The following WDHD1 variants were observed in gnomAD, a reference collection of about 807,000 sequenced individuals.
WDHD1 encodes the protein WD repeat and HMG-box DNA binding protein 1.
A neutral mutation model predicts 135.4 loss-of-function variants in WDHD1; 111 were observed. That is an observed-to-expected ratio of 0.82 (90% CI 0.70 to 0.96). The LOEUF (loss-of-function observed/expected upper bound fraction) is 0.96. Ranked by LOEUF, WDHD1 falls within the 40% of genes least tolerant of loss-of-function variation. WDHD1 has a pLI of 0.00. For missense variants in WDHD1, 1,351 were observed against 1,336.3 expected (o/e 1.01, Z -0.17); for synonymous variants, 434 against 439.0 (o/e 0.99, Z 0.14).
chr14:55,019,216 A>T (rs2042305849), intron 2 of WDHD1, among the ~76,000 whole-genome samples: 1 of 152,226 alleles, frequency 6.6e-6, no homozygotes, highest in Non-Finnish European at 1.5e-5. Context: ...TAAAGCACAT[A>T]AATATGTACC....
At chr14:54,967,128 C>T (rs1266021082) in intron 17 of WDHD1, 152 bp downstream of exon 17, 1 of 570,380 alleles carries the variant, frequency 1.8e-6, no homozygotes, top group Non-Finnish European at 2.9e-6. Flanking sequence ...GCCTGGTGAT[C>T]CCAAGCAGTC....
intron 24 of WDHD1, among the ~76,000 whole-genome samples, chr14:54,946,283 CTTAA>C: frequency 6.6e-6 from 1 of 152,208 alleles, no homozygotes; most frequent in East Asian, 1.9e-4. Context: ...AACTTCTGGG[CTTAA>C]GCAACCCTTC....
chr14:55,008,358 A>G lies in WDHD1; in HGVS notation c.462T>C (p.Ala154=), dbSNP rs777601480. The part of the protein sequence containing the change: ...FDPKDIFLAS[A]SCDGSVRVWQ... Reference sequence around the variant, plus strand: ...ACACTCTGACAGATCCATCACAACTAGCTGATGCCTGCAGGAATAAACAAT... The same window carrying G: ...ACACTCTGACAGATCCATCACAACTGGCTGATGCCTGCAGGAATAAACAAT... The change falls in exon 6 of 26, where the codon GCT becomes GCC. Residue 154 remains alanine, a synonymous_variant. Transcript: ENST00000360586. The G allele has an allele frequency of 1.9e-5, 31 of 1,613,588 alleles. No homozygotes were observed. The highest frequency in any genetic ancestry group is 2.5e-5 in the Non-Finnish European group (30 of 1,179,810).
At chr14:54,999,576 T>C (rs996853566) in intron 10 of WDHD1, among the ~76,000 whole-genome samples, 7 of 152,180 alleles carry the variant, frequency 4.6e-5, no homozygotes, top group African/African-American at 1.7e-4. Flanking sequence ...TTTCTCATCA[T>C]CCTTCTATTT....
At chr14:55,005,771 TGGGCTTTAGAATCA>T (rs2042057524) in intron 7 of WDHD1, 8 of 347,828 alleles carry the variant, frequency 2.3e-5, no homozygotes, top group African/African-American at 1.7e-4. Context: ...AAAGCCCTCA[TGGGCTTTAGAATCA>T]GCTCAATTTG....
chr14:55,001,268 T>C (rs1405053181), intron 8 of WDHD1, among the ~76,000 whole-genome samples: 1 of 152,196 alleles, frequency 6.6e-6, no homozygotes, highest in Non-Finnish European at 1.5e-5. Context: ...CACCATTTTA[T>C]TTTATTTTTA....
At chr14:54,977,469 G>A (rs1329278129) in intron 16 of WDHD1, among the ~76,000 whole-genome samples, 1 of 152,192 alleles carries the variant, frequency 6.6e-6, no homozygotes, top group South Asian at 2.1e-4. Flanking sequence ...GGGAGGCCAA[G>A]GTGGGAGGAT....
chr14:54,964,012 ACAGGAGGTTCACTAGAGCC>A, intron 18 of WDHD1, among the ~76,000 whole-genome samples: 1 of 152,046 alleles, frequency 6.6e-6, no homozygotes, highest in Non-Finnish European at 1.5e-5. Context: ...GGAGCCTGAG[ACAGGAGGTTCACTAGAGCC>A]CAGGAGGTTG....
chr14:54,948,899 G>A (rs770000548), intron 24 of WDHD1, among the ~76,000 whole-genome samples: 1 of 152,212 alleles, frequency 6.6e-6, no homozygotes, highest in Non-Finnish European at 1.5e-5. Context: ...AGAGTCTGGA[G>A]TGGGCCTCCA....
chr14:54,972,210 G>A (rs1282302578), intron 16 of WDHD1, among the ~76,000 whole-genome samples: 1 of 148,720 alleles, frequency 6.7e-6, no homozygotes, highest in African/African-American at 2.5e-5. Flanking sequence ...GGGAGGCGGA[G>A]CTTGCGGTGA....
intron 24 of WDHD1, among the ~76,000 whole-genome samples, chr14:54,952,052 A>C (rs1248590910): frequency 1.3e-5 from 2 of 152,182 alleles, no homozygotes; most frequent in Admixed American, 6.5e-5. Flanking sequence ...ATGGGCAAAA[A>C]CTGGAAGCAT....
Position 54,989,122 on chromosome 14 carries a change from C to T in WDHD1, c.1432G>A (p.Ala478Thr). The change falls in exon 13 of 26, where the codon GCA becomes ACA. Residue 478 changes from alanine to threonine, a missense_variant. By Grantham distance (58) the Ala-to-Thr change is moderately conservative. Around this residue, in one of 2 missense-constraint regions of WDHD1, gnomAD observed 1,330 missense variants for 1,296.1 expected, o/e 1.03. Coordinates refer to ENST00000360586, the MANE Select transcript of WDHD1 (RefSeq NM_007086.4). ...TTCAAAGTGTTTGATAAGTGTGTTG[C>T]ATGGTGTATGGAGGTATCATGGAAC... ...VEFHDTSIHH[A>T]THLSNTLNYT... The T allele has an allele frequency of 6.2e-7, 1 of 1,613,698 alleles. No homozygotes were observed. The highest frequency in any genetic ancestry group is 8.5e-7 in the Non-Finnish European group (1 of 1,179,818).
chr14:54,989,611 T>C (rs1208115852), intron 12 of WDHD1, among the ~76,000 whole-genome samples: 1 of 152,160 alleles, frequency 6.6e-6, no homozygotes, highest in Non-Finnish European at 1.5e-5. Flanking sequence ...CAACAGACTT[T>C]TTTCCTAACT....
intron 16 of WDHD1, among the ~76,000 whole-genome samples, chr14:54,978,759 C>A (rs2041568545): frequency 6.6e-6 from 1 of 152,146 alleles, no homozygotes; most frequent in South Asian, 2.1e-4. Flanking sequence ...TATGTCTTTT[C>A]TTCTCAAACA....
chr14:54,983,541 C>T (rs191871918), intron 15 of WDHD1, among the ~76,000 whole-genome samples: 29 of 152,054 alleles, frequency 1.9e-4, no homozygotes, highest in East Asian at 1.9e-4. Flanking sequence ...AGTGTGGTGA[C>T]GCAAGCCTGT....
intron 24 of WDHD1, 182 bp from the exon 25 acceptor site, chr14:54,944,652 C>G (rs1378298564): frequency 2.2e-6 from 1 of 463,654 alleles, no homozygotes; most frequent in African/African-American, 2.3e-5. Flanking sequence ...CAGAGTCTCA[C>G]TCTGTCACCC....
chr14:54,962,457 C>T, intron 21 of WDHD1, 41 bp downstream of exon 21: 3 of 1,524,804 alleles, frequency 2.0e-6, no homozygotes, highest in South Asian at 2.3e-5. Flanking sequence ...AGATGACTTG[C>T]AAAATTTCCT....
chr14:54,944,357 C>T lies in WDHD1; in HGVS notation c.3164G>A (p.Arg1055Lys), dbSNP rs142540965. The T allele has an allele frequency of 1.2e-6, 2 of 1,607,092 alleles. No homozygotes were observed. The highest frequency in any genetic ancestry group is 2.7e-5 in the African/African-American group (2 of 74,494). The part of the protein sequence containing the change: ...DIIKEGMIRF[R>K]VLSTEERKVW... ...CTTTCTTTCTTCAGTTGACAATACT[C>T]TAAATCGAATCATTCCTTCTTTTAT... Residue 1055 changes from arginine (R) to lysine (K), a missense_variant, in exon 25 of 26, where the codon AGA becomes AAA. Around this residue, in one of 2 missense-constraint regions of WDHD1, gnomAD observed 1,330 missense variants for 1,296.1 expected, o/e 1.03. Coordinates refer to ENST00000360586, the MANE Select transcript of WDHD1 (RefSeq NM_007086.4).
intron 2 of WDHD1, among the ~76,000 whole-genome samples, chr14:55,023,310 G>A (rs1048020514): frequency 7.2e-5 from 11 of 152,110 alleles, no homozygotes; most frequent in South Asian, 4.1e-4. Flanking sequence ...TAAAAGCTGC[G>A]TTTTCAATAC....
Sources: allele counts gnomAD v4.1 joint callset (sites outside exome capture counted in the v4.1 genomes callset), GRCh38; gene constraint gnomAD v4.1.1; regional missense constraint gnomAD v4.1.1; transcripts MANE v1.5; gene names NCBI Gene and HGNC (gene_info 2026-07-23, HGNC 2026-07-21).